The following KCNN1 variants were observed in gnomAD, a reference collection of about 807,000 sequenced individuals.
KCNN1 encodes the protein potassium calcium-activated channel subfamily N member 1.
In KCNN1, 20 loss-of-function variants were observed where a neutral mutation model predicts 44.7. The observed-to-expected ratio is 0.45, with a 90% CI of 0.32 to 0.65. KCNN1 has a LOEUF of 0.65. KCNN1 is among the 30% of genes least tolerant of loss of function. The pLI is 0.05. For missense variants in KCNN1, 632 were observed against 785.3 expected, an observed-to-expected ratio of 0.80 and a Z score of 2.33; for synonymous variants, 324 against 341.7, an observed-to-expected ratio of 0.95 and a Z score of 0.57.
intron 7 of KCNN1, among the ~76,000 whole-genome samples, chr19:17,990,977 TAGTAG>T (rs2032773372): frequency 6.6e-6 from 1 of 152,062 alleles, no homozygotes; most frequent in Non-Finnish European, 1.5e-5. Context: ...ATCAGTTACT[TAGTAG>T]AGTCTGGGTT....
Position 17,998,153 on chromosome 19 carries a change from C to G in KCNN1, c.1379C>G (p.Thr460Ser). Residue 460 changes from threonine to serine, a missense_variant and splice_region_variant, in exon 10 of 10, where the codon ACC (threonine) becomes AGC (serine). By Grantham distance (58) the Thr-to-Ser change is moderately conservative. Transcript: ENST00000684775. The surrounding 1 kb of genome is among the most constrained non-coding windows in gnomAD (Gnocchi z 5.4). The stretch of plus-strand genomic sequence containing the variant: ...CCTGCCCCTCTCTGTCTCCCGCAGA[C>G]CCAGACCGTCATGTACGACCTTGTA... ...QANTLTDLAKTQTVMYDLVSE... is the reference protein window; with the variant it reads ...QANTLTDLAKSQTVMYDLVSE... The G allele has an allele frequency of 6.3e-7, 1 of 1,589,936 alleles. No homozygotes were observed. Among genetic ancestry groups the G allele is most frequent in the Non-Finnish European group, 8.6e-7 (1 of 1,168,084 alleles).
intron 6 of KCNN1, among the ~76,000 whole-genome samples, chr19:17,988,909 T>TAA (rs778235667): frequency 1.5e-5 from 2 of 137,528 alleles, no homozygotes; most frequent in Non-Finnish European, 3.2e-5. Flanking sequence ...AGACTCCGTT[T>TAA]AAAAAAAAAA....
upstream of KCNN1, among the ~76,000 whole-genome samples, chr19:17,966,092 C>T (rs947632072): frequency 1.3e-5 from 2 of 150,026 alleles, no homozygotes; most frequent in African/African-American, 4.9e-5. Flanking sequence ...TTCAGTCCAA[C>T]TGTTTTCTGA....
chr19:17,953,267 A>T (rs1401995723), intron 1 of KCNN1, among the ~76,000 whole-genome samples: 1 of 152,182 alleles, frequency 6.6e-6, no homozygotes, highest in Non-Finnish European at 1.5e-5. Context: ...AAGCTTCTGG[A>T]GCCACGGAGG....
At chr19:17,958,717 A>G (rs1326492970) in intron 2 of KCNN1, among the ~76,000 whole-genome samples, 1 of 118,636 alleles carries the variant, frequency 8.4e-6, no homozygotes, top group African/African-American at 3.7e-5. Flanking sequence ...TTTATTTATG[A>G]GACGGAGTCT....
rs764361512 is a variant in KCNN1 at position 17,985,444 on chromosome 19, T to G, written c.1050T>G (p.Thr350=). ...GCGGGAAGGGTGTGTGCCTGCTCAC[T>G]GGCATCATGGTAAGGGTGAGGGTCC... ...TYCGKGVCLL[T]GIMGAGCTAL... is the part of the protein sequence containing the mutation. The change falls in exon 5 of 10, where the codon ACT becomes ACG. Residue 350 remains threonine, a synonymous_variant. Coordinates refer to ENST00000684775, the MANE Select transcript of KCNN1 (RefSeq NM_001386974.1). 2 of 1,590,718 alleles carry G rather than the reference T, an allele frequency of 1.3e-6. No individual in the cohort carries two copies. The highest frequency in any genetic ancestry group is 1.7e-5 in the Admixed American group (1 of 58,650).
intron 7 of KCNN1, chr19:17,990,075 C>T (rs1436075706): frequency 1.5e-6 from 1 of 685,688 alleles, no homozygotes; most frequent in East Asian, 2.8e-5. Flanking sequence ...ATTTTATTCT[C>T]TGGAATAACC....
upstream of KCNN1, among the ~76,000 whole-genome samples, chr19:17,966,508 T>C (rs955991999): frequency 1.3e-5 from 2 of 152,202 alleles, no homozygotes; most frequent in African/African-American, 2.4e-5. Flanking sequence ...TCTGGCTTCC[T>C]GTCATCCTGG....
chr19:17,955,914 AGTTTT>A (rs962258036), intron 2 of KCNN1, among the ~76,000 whole-genome samples: 3 of 144,848 alleles, frequency 2.1e-5, no homozygotes, highest in Non-Finnish European at 4.5e-5. Context: ...TTTTTTTTTT[AGTTTT>A]GTTTTGTTTT....
Position 17,998,269 on chromosome 19 carries a change from C to T in KCNN1, c.1495C>T (p.Leu499=). The T allele has an allele frequency of 6.4e-7, 1 of 1,558,970 alleles. No individual in the cohort carries two copies. The highest frequency in any genetic ancestry group is 8.7e-7 in the Non-Finnish European group (1 of 1,155,752). The change falls in exon 10 of 10, where the codon CTG becomes TTG. Residue 499 remains leucine (L), a synonymous_variant. Transcript: ENST00000684775. The surrounding 1 kb of genome is among the most constrained non-coding windows in gnomAD (Gnocchi z 5.4). ...LDALGASLQA[L]PGLIAQAIRP... ...TGCGCTGGGTGCCTCTCTACAGGCC[C>T]TGCCTGGCCTCATCGCCCAAGCCAT...
At chr19:17,996,205 CT>C (rs1186994536) in intron 9 of KCNN1, among the ~76,000 whole-genome samples, 2 of 149,320 alleles carry the variant, frequency 1.3e-5, no homozygotes, top group African/African-American at 5.0e-5. Context: ...TAGCAGGAGG[CT>C]GAGGTGGGAG....
chr19:17,995,463 C>T (rs982227485), intron 9 of KCNN1, among the ~76,000 whole-genome samples: 1 of 149,642 alleles, frequency 6.7e-6, no homozygotes, highest in Non-Finnish European at 1.5e-5. Context: ...CGTGAGCCAC[C>T]GCACCCAGAA....
intron 9 of KCNN1, among the ~76,000 whole-genome samples, chr19:17,997,285 C>T (rs748751671): frequency 6.6e-6 from 1 of 152,162 alleles, no homozygotes; most frequent in Non-Finnish European, 1.5e-5. Flanking sequence ...CCCCCCTCCT[C>T]TTCTTCCTAG....
chr19:17,962,427 A>G (rs1170743965), upstream of KCNN1, among the ~76,000 whole-genome samples: 1 of 151,884 alleles, frequency 6.6e-6, no homozygotes, highest in Non-Finnish European at 1.5e-5. Context: ...GCCCTTGTGT[A>G]TTTATCATAT....
At position 17,967,328 on chromosome 19, in the gene KCNN1, GGAT is replaced by G; in HGVS notation, c.-82+13_-82+15del. ...GGCCGAGCCCCGCAGGTACAGGGTG[GGAT>G]GGGTGAGGGTGCGGGAGGATCCAGG... On this transcript the variant is annotated intron_variant, in intron 1 of 9. Transcript: ENST00000684775. The G allele has an allele frequency of 1.0e-6, 1 of 984,818 alleles. No homozygotes were observed. Among genetic ancestry groups the G allele is most frequent in the Non-Finnish European group, 1.2e-6 (1 of 829,364 alleles). 61.0% of individuals were successfully genotyped at this position (984,818 alleles called of 1,614,324 possible).
chr19:17,967,634 C>CAG (rs1234086734), intron 1 of KCNN1, among the ~76,000 whole-genome samples: 2 of 151,820 alleles, frequency 1.3e-5, no homozygotes, highest in Non-Finnish European at 2.9e-5. Context: ...CAGGGATGGA[C>CAG]AGTGACCCGC....
intron 1 of KCNN1, among the ~76,000 whole-genome samples, chr19:17,952,687 C>A (rs903000497): frequency 1.3e-5 from 2 of 152,182 alleles, no homozygotes; most frequent in African/African-American, 4.8e-5. Context: ...GCCCCCTCCT[C>A]CCTCTCTGTC....
chr19:17,970,626 A>G (rs570958512), intron 1 of KCNN1, among the ~76,000 whole-genome samples: 1 of 151,512 alleles, frequency 6.6e-6, no homozygotes, highest in South Asian at 2.1e-4. Flanking sequence ...CAGTTTTGCC[A>G]TGTTGGCCAA....
upstream of KCNN1, among the ~76,000 whole-genome samples, chr19:17,963,709 CCTGATACTT>C (rs2031735675): frequency 6.6e-6 from 1 of 151,348 alleles, no homozygotes; most frequent in African/African-American, 2.4e-5. Context: ...TGGATCTCTT[CCTGATACTT>C]CTGATACTTT....
Sources: allele counts gnomAD v4.1 joint callset (sites outside exome capture counted in the v4.1 genomes callset), GRCh38; gene constraint gnomAD v4.1.1; non-coding constraint Gnocchi (gnomAD v3.1); transcripts MANE v1.5; gene names NCBI Gene and HGNC (gene_info 2026-07-23, HGNC 2026-07-21).